The following CTNNA2 variants were observed in gnomAD, a reference collection of about 807,000 sequenced individuals.
The protein encoded by CTNNA2 is catenin alpha-2.
In CTNNA2, 42 loss-of-function variants were observed where a neutral mutation model predicts 101.0. The ratio of observed to expected loss-of-function variants is 0.42; its 90% CI spans 0.32 to 0.54. CTNNA2 has a LOEUF of 0.54. CTNNA2 is among the 20% of genes least tolerant of loss of function. CTNNA2 has a pLI of 0.14. For synonymous variants in CTNNA2, 450 were observed against 456.4 expected (o/e 0.99, Z 0.18); for missense variants, 871 against 1,223.1 (o/e 0.71, Z 4.29).
intron 7 of CTNNA2, among the ~76,000 whole-genome samples, chr2:80,202,919 C>T (rs1015416452): frequency 1.3e-5 from 2 of 152,164 alleles, no homozygotes; most frequent in African/African-American, 2.4e-5. Context: ...TACAGTTCCA[C>T]GTGACCGGGG....
chr2:80,485,062 G>T (rs755298933), intron 9 of CTNNA2, among the ~76,000 whole-genome samples: 5 of 152,048 alleles, frequency 3.3e-5, no homozygotes, highest in Admixed American at 6.6e-5. Flanking sequence ...TCTTAAAAAT[G>T]CTTTACTCAT....
intron 7 of CTNNA2, among the ~76,000 whole-genome samples, chr2:79,921,297 G>A (rs753713302): frequency 1.3e-5 from 2 of 152,126 alleles, no homozygotes; most frequent in African/African-American, 2.4e-5. Context: ...GGTTAAAAAC[G>A]GGGTTTCTTT....
chr2:79,646,336 A>G (rs2104447675), intron 1 of CTNNA2, among the ~76,000 whole-genome samples: 1 of 152,178 alleles, frequency 6.6e-6, no homozygotes, highest in Non-Finnish European at 1.5e-5. Context: ...AGAGGAGCCC[A>G]TTTTACTCTG....
intron 2 of CTNNA2, among the ~76,000 whole-genome samples, chr2:79,311,773 T>C (rs959629016): frequency 3.9e-5 from 6 of 152,192 alleles, no homozygotes; most frequent in Non-Finnish European, 5.9e-5. Flanking sequence ...GCTGATCTAT[T>C]GGTTGCCTCA....
intron 9 of CTNNA2, among the ~76,000 whole-genome samples, chr2:80,490,850 C>G (rs2149516735): frequency 6.6e-6 from 1 of 152,216 alleles, no homozygotes; most frequent in African/African-American, 2.4e-5. Flanking sequence ...AATTCCAATA[C>G]TAGAAATATA....
chr2:79,289,283 G>C (rs1354719870), intron 2 of CTNNA2, among the ~76,000 whole-genome samples: 1 of 152,038 alleles, frequency 6.6e-6, no homozygotes, highest in South Asian at 2.1e-4. Context: ...TTTTCTTTGG[G>C]GGTTGTTTTG....
At chr2:79,707,729 C>A (rs930604671) in intron 2 of CTNNA2, among the ~76,000 whole-genome samples, 2 of 152,308 alleles carry the variant, frequency 1.3e-5, no homozygotes, top group East Asian at 3.9e-4. Context: ...AGTTCCAGTG[C>A]ACTGTCTTCC....
At chr2:79,656,741 T>C (rs1186602827) in intron 2 of CTNNA2, among the ~76,000 whole-genome samples, 1 of 152,010 alleles carries the variant, frequency 6.6e-6, no homozygotes, top group Non-Finnish European at 1.5e-5. Flanking sequence ...CTGAACTTTT[T>C]ATAAATTCAA....
intron 4 of CTNNA2, among the ~76,000 whole-genome samples, chr2:79,389,238 TTGGA>T (rs1460886491): frequency 3.3e-5 from 5 of 152,182 alleles, no homozygotes; most frequent in African/African-American, 1.2e-4. Context: ...AGGTTTCCAA[TTGGA>T]TATACTAATT....
chr2:79,861,082 T>C (rs763064414), intron 4 of CTNNA2, among the ~76,000 whole-genome samples: 6 of 152,150 alleles, frequency 3.9e-5, no homozygotes, highest in Admixed American at 6.5e-5. Flanking sequence ...ACCTGGATGA[T>C]AAAACATAGA....
intron 7 of CTNNA2, among the ~76,000 whole-genome samples, chr2:80,078,854 C>G (rs769877749): frequency 1.2e-4 from 18 of 152,122 alleles, no homozygotes; most frequent in Non-Finnish European, 1.8e-4. Flanking sequence ...ATTCTCCCTC[C>G]CTTTTATCTT....
chr2:79,794,670 C>T (rs1344515619), intron 3 of CTNNA2, among the ~76,000 whole-genome samples: 1 of 152,144 alleles, frequency 6.6e-6, no homozygotes, highest in African/African-American at 2.4e-5. Context: ...AGTAGATCTC[C>T]ATAACTTACT....
At chr2:79,982,386 C>CCTATATAACCTATATAACAT (rs1558698163) in intron 7 of CTNNA2, among the ~76,000 whole-genome samples, 20 of 130,948 alleles carry the variant, frequency 1.5e-4, no homozygotes, top group African/African-American at 6.5e-4. Flanking sequence ...ACATATATAA[C>CCTATATAACCTATATAACAT]ATATATAACA....
upstream of CTNNA2, among the ~76,000 whole-genome samples, chr2:79,511,613 A>G (rs1425063758): frequency 6.6e-6 from 1 of 152,152 alleles, no homozygotes; most frequent in African/African-American, 2.4e-5. Flanking sequence ...GAATTTTTAA[A>G]TTGGTAAAGT....
chr2:79,232,039 T>C (rs1262310356), intron 2 of CTNNA2, among the ~76,000 whole-genome samples: 1 of 152,162 alleles, frequency 6.6e-6, no homozygotes, highest in African/African-American at 2.4e-5. Flanking sequence ...CCTAGTTGGA[T>C]GCCTTTTATT....
At chr2:79,384,152 T>C (rs901802739) in intron 4 of CTNNA2, among the ~76,000 whole-genome samples, 2 of 152,182 alleles carry the variant, frequency 1.3e-5, no homozygotes, top group East Asian at 1.9e-4. Context: ...AAGAAGTATA[T>C]GATAAAAAAC....
At chr2:80,614,125 G>C (rs1698666514) in intron 17 of CTNNA2, among the ~76,000 whole-genome samples, 1 of 151,438 alleles carries the variant, frequency 6.6e-6, no homozygotes. Context: ...TTCTGAGAAT[G>C]ATTTAGTAGC....
chr2:79,985,319 A>G (rs906129719), intron 7 of CTNNA2, among the ~76,000 whole-genome samples: 1 of 152,108 alleles, frequency 6.6e-6, no homozygotes, highest in Non-Finnish European at 1.5e-5. Flanking sequence ...ACCTTCCTTT[A>G]CACTGATGCC....
chr2:80,071,540 G>A (rs979538979), intron 7 of CTNNA2, among the ~76,000 whole-genome samples: 3 of 152,152 alleles, frequency 2.0e-5, no homozygotes, highest in Non-Finnish European at 4.4e-5. Context: ...TGTGGGCCCC[G>A]TGAGGTGGTG....
Sources: gnomAD v4.1 joint callset for allele counts (sites outside exome capture counted in the v4.1 genomes callset) on GRCh38, gnomAD v4.1.1 for gene constraint, MANE v1.5 for transcripts, NCBI Gene and HGNC (gene_info 2026-07-23, HGNC 2026-07-21) for gene names.